DPP6: variants seen among roughly 807,000 people sequenced by gnomAD.
DPP6 encodes the protein dipeptidyl peptidase like 6.
In DPP6, 69 loss-of-function variants were observed where a neutral mutation model predicts 122.6. The ratio of observed to expected loss-of-function variants is 0.56; its 90% CI spans 0.46 to 0.69. The LOEUF is 0.69. DPP6 is among the 30% of genes least tolerant of loss of function. The pLI is 0.00. For synonymous variants in DPP6, 418 were observed against 433.1 expected (o/e 0.97, Z 0.43); for missense variants, 928 against 1,116.9 (o/e 0.83, Z 2.41).
chr7:154,742,165 T>C (rs1842847528), intron 8 of DPP6, among the ~76,000 whole-genome samples: 1 of 152,176 alleles, frequency 6.6e-6, no homozygotes, highest in Admixed American at 6.5e-5. Context: ...GAGGAACTGA[T>C]ACACAGTCAG....
intron 16 of DPP6, among the ~76,000 whole-genome samples, chr7:154,845,585 C>G (rs989597190): frequency 6.6e-6 from 1 of 152,134 alleles, no homozygotes; most frequent in African/African-American, 2.4e-5. Context: ...ATGGGTGCAG[C>G]ACACCAACAT....
intron 1 of DPP6, among the ~76,000 whole-genome samples, chr7:153,959,522 T>A (rs1795240332): frequency 6.6e-6 from 1 of 152,272 alleles, no homozygotes; most frequent in Non-Finnish European, 1.5e-5. Flanking sequence ...CATCAGCACT[T>A]GCTGCTTCAC....
chr7:153,874,847 C>T, the DPP6 span, among the ~76,000 whole-genome samples: 1 of 151,988 alleles, frequency 6.6e-6, no homozygotes, highest in Admixed American at 6.6e-5. Flanking sequence ...TATCTGGTTA[C>T]AAGTAGAAAA....
At chr7:154,113,606 A>G (rs1319540553) in intron 1 of DPP6, among the ~76,000 whole-genome samples, 1 of 151,616 alleles carries the variant, frequency 6.6e-6, no homozygotes, top group African/African-American at 2.4e-5. Context: ...TGCCTTTTCA[A>G]GATTTTTGCT....
chr7:154,314,822 G>A (rs1187138019), intron 1 of DPP6, among the ~76,000 whole-genome samples: 1 of 151,934 alleles, frequency 6.6e-6, no homozygotes, highest in South Asian at 2.1e-4. Context: ...AGATTAACAC[G>A]AAAACTGTTA....
chr7:154,312,677 G>A (rs1291295644), intron 1 of DPP6, among the ~76,000 whole-genome samples: 2 of 152,192 alleles, frequency 1.3e-5, no homozygotes, highest in African/African-American at 4.8e-5. Flanking sequence ...TGGGAACACC[G>A]TGGTGATGGC....
intron 1 of DPP6, among the ~76,000 whole-genome samples, chr7:154,225,558 C>T (rs1453358780): frequency 2.0e-5 from 3 of 150,234 alleles, no homozygotes; most frequent in African/African-American, 5.0e-5. Context: ...TTCCCTTAAT[C>T]GAAGAAAAAA....
chr7:154,612,107 C>T (rs942986219), intron 5 of DPP6, among the ~76,000 whole-genome samples: 1 of 152,198 alleles, frequency 6.6e-6, no homozygotes, highest in Non-Finnish European at 1.5e-5. Context: ...CTTCTGCCTT[C>T]CTCCAGAGAC....
chr7:154,045,270 C>G (rs577055179), intron 1 of DPP6, among the ~76,000 whole-genome samples: 1 of 151,688 alleles, frequency 6.6e-6, no homozygotes, highest in African/African-American at 2.4e-5. Context: ...AAATCCTTAC[C>G]CTTAGGAGAA....
chr7:154,865,149 C>T (rs1471318547), intron 17 of DPP6, among the ~76,000 whole-genome samples: 1 of 152,176 alleles, frequency 6.6e-6, no homozygotes, highest in Admixed American at 6.5e-5. Flanking sequence ...CCAGCTGAAG[C>T]CCTTTCTGGG....
intron 1 of DPP6, among the ~76,000 whole-genome samples, chr7:154,248,522 A>T (rs1047737409): frequency 1.3e-5 from 2 of 152,196 alleles, no homozygotes; most frequent in Admixed American, 1.3e-4. Context: ...CTTAATTGGA[A>T]TATATACATT....
At chr7:154,583,518 C>A (rs948267248) in intron 5 of DPP6, among the ~76,000 whole-genome samples, 1 of 152,184 alleles carries the variant, frequency 6.6e-6, no homozygotes, top group Non-Finnish European at 1.5e-5. Flanking sequence ...CTTGCGCACT[C>A]ACCCTGGGCA....
At chr7:154,049,456 T>C (rs1484183528), upstream of DPP6, among the ~76,000 whole-genome samples, 2 of 103,708 alleles carry the variant, frequency 1.9e-5, no homozygotes, top group Non-Finnish European at 4.2e-5. Context: ...CTAACCACTT[T>C]ATTTTTTTAT....
intron 5 of DPP6, among the ~76,000 whole-genome samples, chr7:154,586,083 A>C (rs2130700701): frequency 6.6e-6 from 1 of 152,144 alleles, no homozygotes; most frequent in African/African-American, 2.4e-5. Flanking sequence ...TGGAGGGGCA[A>C]GCAGGCAGGC....
intron 17 of DPP6, 95 bp downstream of exon 17, chr7:154,853,922 A>T: frequency 6.6e-7 from 1 of 1,523,528 alleles, no homozygotes; most frequent in Non-Finnish European, 9.0e-7. Flanking sequence ...TCTCCTACTC[A>T]GAGACAGAGG....
intron 5 of DPP6, among the ~76,000 whole-genome samples, chr7:154,576,666 G>T (rs1295923185): frequency 1.3e-5 from 2 of 152,102 alleles, no homozygotes; most frequent in African/African-American, 4.8e-5. Context: ...ATGCAAGAGC[G>T]GTCTCAGCAG....
intron 1 of DPP6, among the ~76,000 whole-genome samples, chr7:154,205,352 C>A (rs1281726008): frequency 6.6e-6 from 1 of 152,174 alleles, no homozygotes; most frequent in African/African-American, 2.4e-5. Flanking sequence ...CAAGCCCTAC[C>A]CATCCAGAAC....
chr7:154,723,470 A>T (rs560127894), intron 7 of DPP6, among the ~76,000 whole-genome samples: 2,129 of 75,358 alleles, frequency 0.028, 37 homozygotes, highest in East Asian at 0.2. Flanking sequence ...TTTATTTTTA[A>T]AAAAAAAAAA....
chr7:153,934,859 T>C (rs1483408014), intron 1 of DPP6, among the ~76,000 whole-genome samples: 1 of 152,138 alleles, frequency 6.6e-6, no homozygotes, highest in Non-Finnish European at 1.5e-5. Flanking sequence ...GTGACCAGGA[T>C]GGATCCTGGT....
Sources: gnomAD v4.1 joint callset for allele counts (sites outside exome capture counted in the v4.1 genomes callset) on GRCh38, gnomAD v4.1.1 for gene constraint, MANE v1.5 for transcripts, NCBI Gene and HGNC (gene_info 2026-07-23, HGNC 2026-07-21) for gene names.